Variants in MLF1 observed in about 807,000 individuals in gnomAD.
MLF1 encodes myelodysplasia-myeloid leukemia factor 1.
A neutral mutation model predicts 38.3 loss-of-function variants in MLF1; 37 were observed. The ratio of observed to expected loss-of-function variants is 0.96; its 90% CI spans 0.74 to 1.27. MLF1 has a LOEUF of 1.27. Among genes scored for constraint, MLF1 ranks in the 50% most tolerant of loss-of-function variants. MLF1 has a pLI of 0.00. For synonymous variants in MLF1, 95 were observed against 106.5 expected (o/e 0.89, Z 0.66); for missense variants, 331 against 349.2 (o/e 0.95, Z 0.42).
At chr3:158,587,364 A>C (rs1717384924) in intron 1 of MLF1, among the ~76,000 whole-genome samples, 1 of 152,210 alleles carries the variant, frequency 6.6e-6, no homozygotes, top group South Asian at 2.1e-4. Flanking sequence ...GGGTACGAGA[A>C]GGGACAGAGA....
chr3:158,579,358 T>A (rs1715982840), intron 1 of MLF1, among the ~76,000 whole-genome samples: 1 of 152,168 alleles, frequency 6.6e-6, no homozygotes, highest in African/African-American at 2.4e-5. Context: ...TCCAAGCAGC[T>A]GCCTTTCTGG....
intron 6 of MLF1, among the ~76,000 whole-genome samples, chr3:158,602,064 C>T (rs1202762245): frequency 6.6e-6 from 1 of 152,058 alleles, no homozygotes; most frequent in Non-Finnish European, 1.5e-5. Flanking sequence ...GATCCGCCCA[C>T]CTCAGCCTCC....
chr3:158,590,960 C>T (rs990502726), intron 1 of MLF1, among the ~76,000 whole-genome samples: 11 of 152,162 alleles, frequency 7.2e-5, no homozygotes, highest in African/African-American at 2.7e-4. Flanking sequence ...TAAACTCACA[C>T]TTGGAACAAT....
At chr3:158,591,031 T>G (rs1393574967) in intron 1 of MLF1, 4 of 455,666 alleles carry the variant, frequency 8.8e-6, no homozygotes, top group Non-Finnish European at 1.7e-5. Flanking sequence ...TGGAATAGGT[T>G]TATGTATACA....
chr3:158,596,796 G>T, intron 3 of MLF1, 66 bp from the exon 4 acceptor site: 1 of 979,714 alleles, frequency 1.0e-6, no homozygotes, highest in South Asian at 1.7e-5. Context: ...AGCTGTTTTG[G>T]AAGATGTATT....
chr3:158,571,791 A>G (rs1400376170), intron 1 of MLF1, among the ~76,000 whole-genome samples: 3 of 15,328 alleles, frequency 2.0e-4, no homozygotes, highest in Non-Finnish European at 2.2e-4. Context: ...GCGTGAGGTG[A>G]GGGGAAGGGT....
At chr3:158,586,343 G>A (rs1374881172) in intron 1 of MLF1, among the ~76,000 whole-genome samples, 2 of 151,948 alleles carry the variant, frequency 1.3e-5, no homozygotes, top group Non-Finnish European at 2.9e-5. Context: ...ATTGTCATCT[G>A]ACTTCTGTTC....
chr3:158,597,035 G>T, intron 4 of MLF1, 90 bp downstream of exon 4: 1 of 745,052 alleles, frequency 1.3e-6, no homozygotes, highest in Non-Finnish European at 2.2e-6. Flanking sequence ...TTTAACCATA[G>T]TGGTTAAAAA....
chr3:158,604,878 C>T (rs1263168090), intron 7 of MLF1, among the ~76,000 whole-genome samples: 2 of 152,036 alleles, frequency 1.3e-5, no homozygotes, highest in Non-Finnish European at 2.9e-5. Flanking sequence ...AGGATGGTCT[C>T]GATCTCTTAA....
intron 1 of MLF1, among the ~76,000 whole-genome samples, chr3:158,585,084 T>C (rs1307457120): frequency 6.7e-6 from 1 of 150,252 alleles, no homozygotes; most frequent in Non-Finnish European, 1.5e-5. Flanking sequence ...TACCTTGCTA[T>C]AGCTCAGATG....
In MLF1 at chr3:158,600,072, T is replaced by C. The variant is rs1286659605; in HGVS notation, c.512T>C (p.Ile171Thr). Residue 171 changes from isoleucine to threonine, a missense_variant, in exon 6 of 8, where the codon ATT becomes ACT. Ile to Thr is a moderately conservative substitution (Grantham distance 89). Coordinates refer to ENST00000466246, the MANE Select transcript of MLF1 (RefSeq NM_001369783.1). ...DSDSGLEKMA[I>T]GHHIHDRAHV... ...GACAGTGGACTAGAAAAAATGGCTA[T>C]TGGTCATCATATCCATGACCGAGCT... 6.8e-7 allele frequency: 1 copy of C among 1,466,170 alleles called. No individual in the cohort carries two copies. The highest frequency in any genetic ancestry group is 9.1e-7 in the Non-Finnish European group (1 of 1,100,520). 90.8% of individuals were successfully genotyped at this position (1,466,170 alleles called of 1,614,324 possible).
chr3:158,577,302 A>G (rs1715616650), intron 1 of MLF1, among the ~76,000 whole-genome samples: 1 of 152,202 alleles, frequency 6.6e-6, no homozygotes, highest in African/African-American at 2.4e-5. Flanking sequence ...AAATAAAACC[A>G]CCTTGTTAAG....
At chr3:158,593,212 G>T (rs1157478676) in intron 2 of MLF1, among the ~76,000 whole-genome samples, 170 bp from the exon 3 acceptor site, 3 of 151,286 alleles carry the variant, frequency 2.0e-5, no homozygotes, top group Admixed American at 2.0e-4. Flanking sequence ...TGCTTTTTCA[G>T]CCTCATGAAT....
intron 1 of MLF1, among the ~76,000 whole-genome samples, chr3:158,575,523 C>A (rs1006959919): frequency 6.6e-6 from 1 of 152,136 alleles, no homozygotes; most frequent in East Asian, 1.9e-4. Context: ...AAATGAGTAT[C>A]CATTTCTTAA....
At chr3:158,574,475 C>G (rs1233803865) in intron 1 of MLF1, among the ~76,000 whole-genome samples, 9 of 143,794 alleles carry the variant, frequency 6.3e-5, no homozygotes, top group African/African-American at 2.4e-4. Context: ...GGAGACCAGC[C>G]TGACCAACAT....
At chr3:158,575,681 C>G (rs1280410013) in intron 1 of MLF1, among the ~76,000 whole-genome samples, 1 of 152,088 alleles carries the variant, frequency 6.6e-6, no homozygotes, top group African/African-American at 2.4e-5. Flanking sequence ...GTGGGTGGGT[C>G]ATAGAGTCAG....
At chr3:158,604,089 C>G (rs1720178464) in intron 7 of MLF1, among the ~76,000 whole-genome samples, 6 of 152,126 alleles carry the variant, frequency 3.9e-5, no homozygotes, top group Admixed American at 3.9e-4. Flanking sequence ...AAATCAGAAG[C>G]CTTATGCAGA....
At chr3:158,583,510 C>G (rs563152908) in intron 1 of MLF1, among the ~76,000 whole-genome samples, 1 of 152,170 alleles carries the variant, frequency 6.6e-6, no homozygotes, top group African/African-American at 2.4e-5. Context: ...TATGTCTATT[C>G]GCTCTTATAA....
intron 1 of MLF1, among the ~76,000 whole-genome samples, chr3:158,573,887 C>T (rs1044868572): frequency 1.3e-5 from 2 of 152,192 alleles, no homozygotes; most frequent in African/African-American, 4.8e-5. Flanking sequence ...TCACTGCAGC[C>T]TCTGCCTCCC....
Sources: gnomAD v4.1 joint callset for allele counts (sites outside exome capture counted in the v4.1 genomes callset) on GRCh38, gnomAD v4.1.1 for gene constraint, MANE v1.5 for transcripts, NCBI Gene and HGNC (gene_info 2026-07-23, HGNC 2026-07-21) for gene names.